TMEM135: variants seen among roughly 807,000 people sequenced by gnomAD.
TMEM135 encodes the protein peroxisomal membrane protein 52.
A neutral mutation model predicts 60.3 loss-of-function variants in TMEM135; 30 were observed. That is an observed-to-expected ratio of 0.50 (90% CI 0.37 to 0.68). TMEM135 has a LOEUF of 0.68. Among genes scored for constraint, TMEM135 ranks in the 30% least tolerant of loss-of-function variants. The pLI is 0.00. For synonymous variants in TMEM135, 190 were observed against 186.7 expected, an observed-to-expected ratio of 1.02 and a Z score of -0.14; for missense variants, 468 against 548.8, an observed-to-expected ratio of 0.85 and a Z score of 1.47.
At chr11:87,113,823 T>C (rs1215797355) in intron 4 of TMEM135, among the ~76,000 whole-genome samples, 1 of 152,108 alleles carries the variant, frequency 6.6e-6, no homozygotes, top group Non-Finnish European at 1.5e-5. Context: ...CTGTTATGCC[T>C]CCATTTTCTC....
chr11:87,074,976 G>C (rs987761102), intron 3 of TMEM135, among the ~76,000 whole-genome samples: 1 of 151,578 alleles, frequency 6.6e-6, no homozygotes, highest in African/African-American at 2.4e-5. Flanking sequence ...GTCTTGCTTT[G>C]TCACCTAGGC....
At chr11:87,151,330 CT>C (rs1938550832) in intron 4 of TMEM135, among the ~76,000 whole-genome samples, 1 of 151,934 alleles carries the variant, frequency 6.6e-6, no homozygotes, top group African/African-American at 2.4e-5. Context: ...GTTATAATTT[CT>C]TAGAGTCCTT....
Position 87,324,568 on chromosome 11 carries a change from T to C in TMEM135, c.*3235T>C, listed in dbSNP as rs1480596840. On this transcript the variant is annotated 3_prime_UTR_variant, in exon 15 of 15. Coordinates refer to ENST00000305494, the MANE Select transcript of TMEM135 (RefSeq NM_022918.4). ...TCTAATAGCTGGGACAACAGGCATGTGCCACCATGCCTGGCTAATATTTAT... is the reference window on the plus strand; with the variant it reads ...TCTAATAGCTGGGACAACAGGCATGCGCCACCATGCCTGGCTAATATTTAT... 1 of 449,454 alleles carries C rather than the reference T, an allele frequency of 2.2e-6. No homozygotes were observed. The highest frequency in any genetic ancestry group is 2.0e-5 in the African/African-American group (1 of 49,584). The allele number at this position is 449,454 out of a possible 1,614,324, so 27.8% of individuals were successfully genotyped here.
chr11:87,212,520 C>T (rs1325345087), intron 5 of TMEM135, among the ~76,000 whole-genome samples: 3 of 152,086 alleles, frequency 2.0e-5, no homozygotes, highest in Non-Finnish European at 4.4e-5. Context: ...GATACCAAGG[C>T]TCACGTATAT....
At chr11:87,131,502 A>T (rs1295514346) in intron 4 of TMEM135, among the ~76,000 whole-genome samples, 7 of 152,184 alleles carry the variant, frequency 4.6e-5, no homozygotes, top group African/African-American at 1.7e-4. Context: ...GCCCACAGTT[A>T]ACATTCAACT....
At chr11:87,177,985 A>G (rs1162755052) in intron 5 of TMEM135, among the ~76,000 whole-genome samples, 1 of 152,176 alleles carries the variant, frequency 6.6e-6, no homozygotes, top group Non-Finnish European at 1.5e-5. Context: ...TAAAGCTTCC[A>G]TGCCCTCTCC....
At chr11:87,311,405 A>G (rs1000092384) in intron 10 of TMEM135, among the ~76,000 whole-genome samples, 9 of 152,082 alleles carry the variant, frequency 5.9e-5, no homozygotes, top group African/African-American at 1.9e-4. Context: ...AGTTAAGGAC[A>G]GATTATTGGT....
intron 2 of TMEM135, among the ~76,000 whole-genome samples, chr11:87,069,390 T>C (rs1426771647): frequency 1.3e-5 from 2 of 152,076 alleles, no homozygotes; most frequent in East Asian, 3.9e-4. Context: ...TTATGTTCTA[T>C]GAACCTGTTT....
intron 6 of TMEM135, among the ~76,000 whole-genome samples, chr11:87,248,673 A>G (rs578836): frequency 0.66 from 99,601 of 151,430 alleles, 33,342 homozygotes; most frequent in Non-Finnish European, 0.71. Context: ...CATTTTGATC[A>G]GATTGTACTG....
intron 5 of TMEM135, among the ~76,000 whole-genome samples, chr11:87,220,483 C>G: frequency 6.6e-6 from 1 of 152,104 alleles, no homozygotes; most frequent in East Asian, 1.9e-4. Flanking sequence ...TTGGATATTG[C>G]GAGAACTTAG....
intron 4 of TMEM135, among the ~76,000 whole-genome samples, chr11:87,155,165 A>C (rs1938659271): frequency 6.6e-6 from 1 of 152,152 alleles, no homozygotes; most frequent in African/African-American, 2.4e-5. Context: ...AGCCCAGCTA[A>C]TTTATGTGTT....
chr11:87,261,013 ATT>A, intron 6 of TMEM135, among the ~76,000 whole-genome samples: 1 of 152,248 alleles, frequency 6.6e-6, no homozygotes, highest in East Asian at 1.9e-4. Flanking sequence ...AACTTCTGTA[ATT>A]GTCTTTAGAA....
chr11:87,293,776 T>A (rs1942306149), intron 6 of TMEM135, among the ~76,000 whole-genome samples: 1 of 152,238 alleles, frequency 6.6e-6, no homozygotes, highest in South Asian at 2.1e-4. Flanking sequence ...GGCATTGGGA[T>A]TGGTTACATG....
At chr11:87,225,654 G>A (rs1403047500) in intron 5 of TMEM135, among the ~76,000 whole-genome samples, 1 of 151,962 alleles carries the variant, frequency 6.6e-6, no homozygotes, top group Non-Finnish European at 1.5e-5. Context: ...GGAAGCATTA[G>A]GGGGATTACT....
intron 5 of TMEM135, among the ~76,000 whole-genome samples, chr11:87,207,865 C>T (rs1013288769): frequency 1.3e-5 from 2 of 152,210 alleles, no homozygotes; most frequent in Admixed American, 6.5e-5. Flanking sequence ...ACGTTGACTC[C>T]TCCAGCCCAG....
At chr11:87,165,870 A>C (rs1939027016) in intron 5 of TMEM135, among the ~76,000 whole-genome samples, 1 of 150,812 alleles carries the variant, frequency 6.6e-6, no homozygotes, top group African/African-American at 2.5e-5. Flanking sequence ...AAAAGAGAGA[A>C]GAATCTAATA....
intron 5 of TMEM135, among the ~76,000 whole-genome samples, chr11:87,158,760 G>A (rs544506228): frequency 7.9e-5 from 12 of 152,156 alleles, no homozygotes; most frequent in Admixed American, 5.2e-4. Flanking sequence ...CACCGCGCCC[G>A]GCCTAACCTT....
intron 1 of TMEM135, 26 bp downstream of exon 1, chr11:87,038,212 G>A (rs1252846731): frequency 4.3e-6 from 7 of 1,613,884 alleles, no homozygotes; most frequent in Non-Finnish European, 5.1e-6. Context: ...CGTCCCGCAG[G>A]GCGAGTTTAG....
Position 87,184,062 on chromosome 11 carries a change from A to G in TMEM135, c.462+26656A>G, listed in dbSNP as rs545681966. On this transcript the variant is annotated intron_variant, in intron 5 of 14. Transcript: ENST00000305494. ...TTTCTACTTAGAAAAATTTTGCAAT[A>G]TATTTTTCAAGTATTTTAGAATGTT... Among the ~76,000 whole-genome samples the G allele has an allele frequency of 2.0e-3, 297 of 151,800 alleles. 1 individual carries two copies. Among genetic ancestry groups the G allele is most frequent in the Non-Finnish European group, 3.3e-3 (226 of 67,970 alleles).
Sources: gnomAD v4.1 joint callset for allele counts (sites outside exome capture counted in the v4.1 genomes callset) on GRCh38, gnomAD v4.1.1 for gene constraint, MANE v1.5 for transcripts, NCBI Gene and HGNC (gene_info 2026-07-23, HGNC 2026-07-21) for gene names.